DPP10: variants seen among roughly 807,000 people sequenced by gnomAD.
The protein encoded by DPP10 is dipeptidyl peptidase like 10, also known as inactive dipeptidyl peptidase 10.
A neutral mutation model predicts 120.9 loss-of-function variants in DPP10; 33 were observed. The observed-to-expected ratio is 0.27, with a 90% CI of 0.21 to 0.37. The LOEUF is 0.37. Ranked by LOEUF, DPP10 falls within the 10% of genes least tolerant of loss-of-function variation. DPP10 has a pLI of 1.00. For synonymous variants in DPP10, 337 were observed against 326.1 expected (o/e 1.03, Z -0.36); for missense variants, 816 against 942.8 (o/e 0.87, Z 1.76).
At chr2:115,007,464 A>G (rs1701938696) in intron 1 of DPP10, among the ~76,000 whole-genome samples, 1 of 152,120 alleles carries the variant, frequency 6.6e-6, no homozygotes, top group Non-Finnish European at 1.5e-5. Context: ...ACCCACAGCC[A>G]ATATCATACT....
intron 1 of DPP10, among the ~76,000 whole-genome samples, chr2:114,825,540 C>T (rs545985633): frequency 4.6e-5 from 7 of 152,158 alleles, no homozygotes; most frequent in South Asian, 4.1e-4. Context: ...GAAGCTATCT[C>T]TCTTGCTTCT....
intron 2 of DPP10, among the ~76,000 whole-genome samples, chr2:115,318,882 G>C (rs757931205): frequency 2.0e-5 from 3 of 152,060 alleles, no homozygotes; most frequent in Non-Finnish European, 4.4e-5. Flanking sequence ...ACTTCTTCAT[G>C]TCCAAATTGA....
chr2:115,051,041 G>C (rs1008132047), intron 1 of DPP10, among the ~76,000 whole-genome samples: 1 of 152,150 alleles, frequency 6.6e-6, no homozygotes, highest in African/African-American at 2.4e-5. Context: ...TTCCATGCTT[G>C]CTACATTATA....
intron 1 of DPP10, among the ~76,000 whole-genome samples, chr2:115,204,026 A>G (rs1348756899): frequency 6.6e-6 from 1 of 152,208 alleles, no homozygotes; most frequent in Non-Finnish European, 1.5e-5. Context: ...GGCGAGTTTA[A>G]GCAGAAGAGA....
At chr2:114,619,601 C>T (rs1693941547) in intron 1 of DPP10, among the ~76,000 whole-genome samples, 1 of 151,972 alleles carries the variant, frequency 6.6e-6, no homozygotes, top group Non-Finnish European at 1.5e-5. Flanking sequence ...TATCATGTTA[C>T]ACCTGAACCA....
intron 1 of DPP10, among the ~76,000 whole-genome samples, chr2:114,795,631 C>A (rs756386392): frequency 6.6e-6 from 1 of 152,012 alleles, no homozygotes; most frequent in East Asian, 1.9e-4. Flanking sequence ...TGTGGGCCCA[C>A]CTATACGCAG....
At chr2:115,796,059 C>T (rs534357679) in intron 19 of DPP10, among the ~76,000 whole-genome samples, 1 of 152,216 alleles carries the variant, frequency 6.6e-6, no homozygotes, top group African/African-American at 2.4e-5. Flanking sequence ...CCTCACACTA[C>T]GTAACAGTCT....
At position 115,182,074 on chromosome 2, in the gene DPP10, G is replaced by A. The variant is rs921769830; in HGVS notation, c.61-127165G>A. ...ACTGTAAAATAGAAATAAATATAAAGCAATCACCTTTATATAGATGTAGTT... is the reference window on the plus strand; with the variant it reads ...ACTGTAAAATAGAAATAAATATAAAACAATCACCTTTATATAGATGTAGTT... On this transcript the variant is annotated intron_variant, in intron 1 of 25. Coordinates refer to ENST00000410059, the MANE Select transcript of DPP10 (RefSeq NM_020868.6). 2.6e-5 allele frequency among the ~76,000 whole-genome samples: 4 copies of A among 152,040 alleles called. No individual in the cohort carries two copies. The East Asian group carries it at 7.7e-4, about 29-fold the overall frequency.
chr2:115,707,783 A>G (rs1158295589), intron 7 of DPP10, among the ~76,000 whole-genome samples: 1 of 151,874 alleles, frequency 6.6e-6, no homozygotes, highest in Non-Finnish European at 1.5e-5. Context: ...GTGATAAAAG[A>G]AAGGTCCATA....
chr2:114,829,621 C>T (rs913358079), intron 1 of DPP10, among the ~76,000 whole-genome samples: 2 of 151,514 alleles, frequency 1.3e-5, no homozygotes, highest in African/African-American at 4.9e-5. Context: ...AGGTGGTCCT[C>T]CCGTCTCAGC....
intron 1 of DPP10, among the ~76,000 whole-genome samples, chr2:114,491,689 C>G (rs1682016492): frequency 6.6e-6 from 1 of 152,172 alleles, no homozygotes; most frequent in Admixed American, 6.6e-5. Flanking sequence ...GAAGATTTTA[C>G]TCACTGAAGC....
rs10178672 is a variant in DPP10 at position 114,913,384 on chromosome 2, G to T, written c.61-395855G>T. On this transcript the variant is annotated intron_variant, in intron 1 of 25. Coordinates refer to ENST00000410059, the MANE Select transcript of DPP10 (RefSeq NM_020868.6). ...TTGCAAGTGGACTGGGAACACCTTG[G>T]GTCCTCCAGTGCAGGAAGTGCATAA... Among the ~76,000 whole-genome samples, 1,345 of 152,180 alleles carry T rather than the reference G, an allele frequency of 8.8e-3. 20 individuals carry two copies. Among genetic ancestry groups the T allele is most frequent in the African/African-American group, 0.031 (1,293 of 41,522 alleles).
intron 1 of DPP10, among the ~76,000 whole-genome samples, chr2:114,653,027 AGTGTGTGT>A (rs10528455): frequency 5.2e-5 from 7 of 135,852 alleles, no homozygotes; most frequent in South Asian, 2.3e-4. Flanking sequence ...AGAGAGAGAG[AGTGTGTGT>A]GTGTGTGTGT....
At chr2:115,801,868 C>T (rs1203565413) in intron 19 of DPP10, among the ~76,000 whole-genome samples, 1 of 152,144 alleles carries the variant, frequency 6.6e-6, no homozygotes, top group Non-Finnish European at 1.5e-5. Flanking sequence ...CATCAATGTT[C>T]TTCAAGGATA....
intron 1 of DPP10, among the ~76,000 whole-genome samples, chr2:115,260,901 T>G (rs1029073876): frequency 6.6e-6 from 1 of 152,028 alleles, no homozygotes; most frequent in African/African-American, 2.4e-5. Flanking sequence ...GACAAGGGAG[T>G]TGGGGCGTGC....
chr2:114,645,744 G>A (rs1696071647), intron 1 of DPP10, among the ~76,000 whole-genome samples: 1 of 152,104 alleles, frequency 6.6e-6, no homozygotes, highest in South Asian at 2.1e-4. Context: ...CCAAGGCAAG[G>A]GCTCTGAATG....
At chr2:115,158,159 G>A (rs565759811) in intron 1 of DPP10, among the ~76,000 whole-genome samples, 1 of 152,260 alleles carries the variant, frequency 6.6e-6, no homozygotes, top group Non-Finnish European at 1.5e-5. Context: ...TCTGCTATTT[G>A]AGGTGGAGGA....
rs58501993 is a variant in DPP10, at chr2:114,881,598, GTCTA to G, written c.61-427599_61-427596del. 4.0e-3 allele frequency among the ~76,000 whole-genome samples: 571 copies of G among 141,116 alleles called. 9 individuals carry two copies. Among genetic ancestry groups the G allele is most frequent in the Admixed American group, 8.6e-3 (117 of 13,628 alleles). 92.6% of individuals were successfully genotyped at this position (141,116 alleles called of 152,430 possible). ...TATCTATCTGTCTGTCTGTCTGTCT[GTCTA>G]TCTATCTATCTATCTATCTATCTAT... On this transcript the variant is annotated intron_variant, in intron 1 of 25. Coordinates refer to ENST00000410059, the MANE Select transcript of DPP10 (RefSeq NM_020868.6).
intron 24 of DPP10, 29 bp downstream of exon 24, chr2:115,836,775 G>C (rs749492455): frequency 3.8e-6 from 6 of 1,598,720 alleles, no homozygotes; most frequent in Admixed American, 3.4e-5. Context: ...GCTGCTGTTT[G>C]ATAGGGTATG....
Sources: gnomAD v4.1 joint callset for allele counts (sites outside exome capture counted in the v4.1 genomes callset) on GRCh38, gnomAD v4.1.1 for gene constraint, MANE v1.5 for transcripts, NCBI Gene and HGNC (gene_info 2026-07-23, HGNC 2026-07-21) for gene names.